Variants in ADORA2B observed in about 807,000 individuals in gnomAD.
The protein encoded by ADORA2B is adenosine A2b receptor, also known as adenosine receptor A2b.
Under a neutral mutation model 20.8 loss-of-function variants are expected in ADORA2B, and 18 were observed. That is an observed-to-expected ratio of 0.87 (90% CI 0.60 to 1.29). The LOEUF is 1.29. Among genes scored for constraint, ADORA2B ranks in the 50% most tolerant of loss-of-function variants. The pLI, the probability that ADORA2B is intolerant of heterozygous loss-of-function variation, is 0.00. For synonymous variants in ADORA2B, 179 were observed against 178.3 expected (o/e 1.00, Z -0.03); for missense variants, 441 against 422.7 (o/e 1.04, Z -0.38).
the ADORA2B span, among the ~76,000 whole-genome samples, chr17:15,917,893 G>C: frequency 6.6e-6 from 1 of 152,214 alleles, no homozygotes; most frequent in East Asian, 1.9e-4. Context: ...CGAGTGCTCG[G>C]GCTCGGTCCC....
chr17:15,961,457 G>T (rs890928069), intron 1 of ADORA2B, among the ~76,000 whole-genome samples: 1 of 152,146 alleles, frequency 6.6e-6, no homozygotes. Flanking sequence ...CACAATGTCT[G>T]TTTCTCCCAT....
chr17:15,859,164 C>T, the ADORA2B span, among the ~76,000 whole-genome samples: 3 of 152,020 alleles, frequency 2.0e-5, no homozygotes, highest in Non-Finnish European at 4.4e-5. Flanking sequence ...AAGTTGAGAC[C>T]ACAACAACTA....
At chr17:15,909,332 C>G in the ADORA2B span, among the ~76,000 whole-genome samples, 1 of 152,150 alleles carries the variant, frequency 6.6e-6, no homozygotes, top group Non-Finnish European at 1.5e-5. Context: ...ACACATGGGC[C>G]CTGCCTTTCA....
the ADORA2B span, among the ~76,000 whole-genome samples, chr17:15,867,430 G>T: frequency 2.7e-5 from 4 of 150,472 alleles, no homozygotes; most frequent in African/African-American, 5.0e-5. Context: ...GTCTCTGCCC[G>T]GCCGCCCCAT....
chr17:15,899,375 A>G, the ADORA2B span, among the ~76,000 whole-genome samples: 1 of 152,232 alleles, frequency 6.6e-6, no homozygotes, highest in Non-Finnish European at 1.5e-5. Flanking sequence ...ATATGTATAT[A>G]TTCAAGTAAA....
chr17:15,864,341 G>A, the ADORA2B span, among the ~76,000 whole-genome samples: 1 of 152,258 alleles, frequency 6.6e-6, no homozygotes, highest in African/African-American at 2.4e-5. Context: ...ACATATGGGT[G>A]TATGCAGAGC....
At chr17:15,878,567 AT>A in the ADORA2B span, among the ~76,000 whole-genome samples, 1 of 152,132 alleles carries the variant, frequency 6.6e-6, no homozygotes, top group Non-Finnish European at 1.5e-5. Flanking sequence ...ACTACAAATA[AT>A]TTTATTTCTT....
chr17:15,868,386 T>G, the ADORA2B span, among the ~76,000 whole-genome samples: 1 of 139,512 alleles, frequency 7.2e-6, no homozygotes, highest in South Asian at 2.3e-4. Context: ...AAAAAATGTC[T>G]TCTTTTGATG....
At chr17:15,971,251 C>G (rs1970185600) in intron 1 of ADORA2B, among the ~76,000 whole-genome samples, 1 of 152,228 alleles carries the variant, frequency 6.6e-6, no homozygotes, top group Non-Finnish European at 1.5e-5. Context: ...TGTTATGCTG[C>G]AGGGACTAAT....
At chr17:15,970,841 C>T (rs572731244) in intron 1 of ADORA2B, among the ~76,000 whole-genome samples, 37 of 152,274 alleles carry the variant, frequency 2.4e-4, no homozygotes, top group African/African-American at 8.4e-4. Flanking sequence ...CAGGCTTGTC[C>T]CTTATGGTCA....
At chr17:15,855,266 TG>T in the ADORA2B span, among the ~76,000 whole-genome samples, 327 of 152,180 alleles carry the variant, frequency 2.1e-3, 1 homozygote, top group African/African-American at 7.5e-3. Flanking sequence ...AACAATCCTC[TG>T]GGGTAGGTAC....
the ADORA2B span, among the ~76,000 whole-genome samples, chr17:15,873,617 A>C: frequency 6.6e-6 from 1 of 152,182 alleles, no homozygotes; most frequent in East Asian, 1.9e-4. Flanking sequence ...AAGATATACA[A>C]ATGGCCAAGA....
the ADORA2B span, among the ~76,000 whole-genome samples, chr17:15,904,544 C>A: frequency 2.6e-5 from 4 of 151,998 alleles, no homozygotes; most frequent in East Asian, 5.8e-4. Flanking sequence ...CCCGCCACCA[C>A]GCCAGCTAAT....
chr17:15,893,280 T>C, the ADORA2B span, among the ~76,000 whole-genome samples: 20 of 152,354 alleles, frequency 1.3e-4, no homozygotes, highest in Middle Eastern at 3.4e-3. Flanking sequence ...CTGAGAAATA[T>C]CTCTAAGGTA....
At chr17:15,924,851 TTTTCTTTC>T in the ADORA2B span, among the ~76,000 whole-genome samples, 12 of 151,934 alleles carry the variant, frequency 7.9e-5, no homozygotes, top group South Asian at 4.2e-4. Flanking sequence ...TCAAATGTTT[TTTTCTTTC>T]TTTCTTTCTT....
intron 1 of ADORA2B, among the ~76,000 whole-genome samples, chr17:15,950,460 CT>C (rs773061329): frequency 6.6e-6 from 1 of 152,198 alleles, no homozygotes; most frequent in Non-Finnish European, 1.5e-5. Context: ...TGCCTCCCCC[CT>C]GGCAAACTCT....
chr17:15,917,408 G>A, the ADORA2B span, among the ~76,000 whole-genome samples: 1 of 152,236 alleles, frequency 6.6e-6, no homozygotes, highest in Non-Finnish European at 1.5e-5. Flanking sequence ...CTCCCAAGGG[G>A]CGCCCACAAG....
At chr17:15,959,916 C>T (rs193183797) in intron 1 of ADORA2B, among the ~76,000 whole-genome samples, 2 of 152,278 alleles carry the variant, frequency 1.3e-5, no homozygotes, top group Admixed American at 6.5e-5. Context: ...AAAGGTCATG[C>T]TTGCATTTAA....
At chr17:15,930,470 A>G in the ADORA2B span, among the ~76,000 whole-genome samples, 2 of 151,234 alleles carry the variant, frequency 1.3e-5, no homozygotes, top group African/African-American at 2.4e-5. Context: ...TAATTTTTGT[A>G]TTTTTCCTAG....
Sources: gnomAD v4.1 joint callset for allele counts (sites outside exome capture counted in the v4.1 genomes callset) on GRCh38, gnomAD v4.1.1 for gene constraint, MANE v1.5 for transcripts, NCBI Gene and HGNC (gene_info 2026-07-23, HGNC 2026-07-21) for gene names.